The following NOL4 variants were observed in gnomAD, a reference collection of about 807,000 sequenced individuals.
NOL4 encodes nucleolar protein 4, also known as cancer/testis antigen 125.
A neutral mutation model predicts 75.9 loss-of-function variants in NOL4; 17 were observed. The ratio of observed to expected loss-of-function variants is 0.22; its 90% CI spans 0.15 to 0.34. NOL4 has a LOEUF of 0.34. Ranked by LOEUF, NOL4 falls within the 10% of genes least tolerant of loss-of-function variation. The probability of loss-of-function intolerance (pLI) is 1.00; values close to 1 mark genes in which losing one functional copy is unlikely to be tolerated. For synonymous variants in NOL4, 292 were observed against 289.9 expected, an observed-to-expected ratio of 1.01 and a Z score of -0.07; for missense variants, 614 against 793.5, an observed-to-expected ratio of 0.77 and a Z score of 2.72.
At chr18:34,041,083 T>C (rs2076119861) in intron 5 of NOL4, among the ~76,000 whole-genome samples, 2 of 151,970 alleles carry the variant, frequency 1.3e-5, no homozygotes, top group Non-Finnish European at 2.9e-5. Flanking sequence ...TATTTTGCTT[T>C]CAATTACTAT....
Position 34,223,279 on chromosome 18 carries a change from G to T in NOL4, c.-26C>A, listed in dbSNP as rs1600928032. 3 of 1,609,306 alleles carry T rather than the reference G, an allele frequency of 1.9e-6. No homozygotes were observed. The South Asian group carries it at 3.3e-5, about 18-fold the overall frequency. ...GTTCCCCGCGCTCGGCCGCTGGCCG[G>T]ATGCTCCCAGCGCACTTCGCACCTG... is the stretch of plus-strand genomic sequence containing the variant. On this transcript the variant is annotated 5_prime_UTR_variant, in exon 1 of 11. Coordinates refer to ENST00000261592, the MANE Select transcript of NOL4 (RefSeq NM_003787.5).
At chr18:34,167,725 A>T (rs893976606) in intron 1 of NOL4, among the ~76,000 whole-genome samples, 6 of 152,046 alleles carry the variant, frequency 3.9e-5, no homozygotes, top group Non-Finnish European at 7.4e-5. Context: ...TATAACAGAA[A>T]ACTAGAGCAG....
At chr18:33,946,902 C>T (rs2068872450) in intron 8 of NOL4, among the ~76,000 whole-genome samples, 1 of 151,536 alleles carries the variant, frequency 6.6e-6, no homozygotes. Context: ...CATAATAAAG[C>T]TTAATTTCAT....
intron 6 of NOL4, among the ~76,000 whole-genome samples, chr18:33,964,591 T>G (rs1398613134): frequency 6.6e-5 from 10 of 151,890 alleles, no homozygotes; most frequent in Admixed American, 6.6e-4. Flanking sequence ...GAAACAGTGG[T>G]TCTCAAAATG....
intron 5 of NOL4, among the ~76,000 whole-genome samples, chr18:34,025,034 C>A (rs560679917): frequency 6.6e-6 from 1 of 152,076 alleles, no homozygotes; most frequent in Non-Finnish European, 1.5e-5. Flanking sequence ...AGCAACAGAA[C>A]TAAAGATGAC....
At chr18:33,913,973 C>A (rs1051681595) in intron 9 of NOL4, among the ~76,000 whole-genome samples, 4 of 152,060 alleles carry the variant, frequency 2.6e-5, no homozygotes, top group African/African-American at 9.7e-5. Flanking sequence ...TTGGTAATGA[C>A]CCAGTGTAGA....
rs1023593277 is a variant in NOL4, at chr18:33,884,034, C to T, written c.1543-610G>A. ...GGTGGGTTGGTTCTGAGCACTACTGCACAACCATGTGGATGTGGCTGACAA... is the reference window on the plus strand; with the variant it reads ...GGTGGGTTGGTTCTGAGCACTACTGTACAACCATGTGGATGTGGCTGACAA... On this transcript the variant is annotated intron_variant, in intron 9 of 10. Transcript: ENST00000261592. 4.6e-5 allele frequency among the ~76,000 whole-genome samples: 7 copies of T among 152,012 alleles called. No individual in the cohort carries two copies. The South Asian group carries it at 6.2e-4, about 14-fold the overall frequency.
chr18:33,966,910 C>T (rs896931040), intron 6 of NOL4, among the ~76,000 whole-genome samples: 2 of 152,150 alleles, frequency 1.3e-5, no homozygotes, highest in African/African-American at 4.8e-5. Context: ...ATTCCCCAAA[C>T]AAACTACAGA....
chr18:33,912,640 C>T (rs1013114150), intron 9 of NOL4, among the ~76,000 whole-genome samples: 2 of 152,022 alleles, frequency 1.3e-5, no homozygotes, highest in African/African-American at 4.8e-5. Context: ...TTAATAATGT[C>T]TGATTCATAG....
chr18:34,158,663 C>G (rs190097949), intron 1 of NOL4: 3 of 152,250 alleles, frequency 2.0e-5, no homozygotes, highest in Non-Finnish European at 1.5e-5. Flanking sequence ...TGCTTAGCAG[C>G]AAGAGAACAT....
intron 10 of NOL4, among the ~76,000 whole-genome samples, chr18:33,872,070 T>C (rs927882529): frequency 1.3e-5 from 2 of 152,084 alleles, no homozygotes; most frequent in African/African-American, 4.8e-5. Context: ...TCTCAATATA[T>C]ATCTTTATAA....
At chr18:33,922,669 A>C (rs562625216) in intron 9 of NOL4, among the ~76,000 whole-genome samples, 1 of 152,304 alleles carries the variant, frequency 6.6e-6, no homozygotes, top group African/African-American at 2.4e-5. Context: ...ATATGGATTT[A>C]GATTAGATTG....
intron 10 of NOL4, among the ~76,000 whole-genome samples, chr18:33,881,822 A>AACCAAAACAGCATGGTACTGGT (rs1423147590): frequency 6.6e-6 from 1 of 152,092 alleles, no homozygotes; most frequent in African/African-American, 2.4e-5. Context: ...AGGCTACAGT[A>AACCAAAACAGCATGGTACTGGT]ACCAAAACAG....
intron 9 of NOL4, among the ~76,000 whole-genome samples, chr18:33,902,647 A>C (rs2065809004): frequency 6.6e-6 from 1 of 152,108 alleles, no homozygotes; most frequent in Non-Finnish European, 1.5e-5. Flanking sequence ...GTTTGATGGA[A>C]TGTGAGTTCT....
intron 1 of NOL4, among the ~76,000 whole-genome samples, chr18:34,169,983 C>T (rs2032856918): frequency 6.6e-6 from 1 of 151,992 alleles, no homozygotes; most frequent in Admixed American, 6.6e-5. Context: ...CTGTTTCTTC[C>T]ATTTAACTGC....
chr18:34,129,280 C>T (rs1600678888), intron 2 of NOL4, among the ~76,000 whole-genome samples: 3 of 151,756 alleles, frequency 2.0e-5, no homozygotes, highest in Non-Finnish European at 4.4e-5. Context: ...ACATCATATA[C>T]TTCCATTTTT....
chr18:34,092,359 G>GA (rs1409617770), intron 5 of NOL4, among the ~76,000 whole-genome samples: 1 of 152,074 alleles, frequency 6.6e-6, no homozygotes, highest in Non-Finnish European at 1.5e-5. Flanking sequence ...TAAAGTCACT[G>GA]ATAATCAATG....
intron 9 of NOL4, among the ~76,000 whole-genome samples, chr18:33,914,701 A>G (rs945927643): frequency 6.6e-6 from 1 of 152,106 alleles, no homozygotes; most frequent in Non-Finnish European, 1.5e-5. Flanking sequence ...ATTGATGTGT[A>G]ATGTGAAAAG....
At chr18:34,034,646 TGAG>T (rs2075800639) in intron 5 of NOL4, among the ~76,000 whole-genome samples, 1 of 151,860 alleles carries the variant, frequency 6.6e-6, no homozygotes, top group Admixed American at 6.6e-5. Context: ...GGCTGGGGCA[TGAG>T]AATCACTTGA....
Sources: allele counts gnomAD v4.1 joint callset (sites outside exome capture counted in the v4.1 genomes callset), GRCh38; gene constraint gnomAD v4.1.1; transcripts MANE v1.5; gene names NCBI Gene and HGNC (gene_info 2026-07-23, HGNC 2026-07-21).